Variants in ANKRD17 observed in about 807,000 individuals in gnomAD.
ANKRD17 encodes ankyrin repeat domain-containing protein 17.
In ANKRD17, 19 loss-of-function variants were observed where a neutral mutation model predicts 229.7. That is an observed-to-expected ratio of 0.08 (90% CI 0.06 to 0.12). The LOEUF is 0.12. ANKRD17 is among the 10% of genes least tolerant of loss of function. The pLI is 1.00. For synonymous variants in ANKRD17, 1,112 were observed against 1,146.1 expected (o/e 0.97, Z 0.60); for missense variants, 2,176 against 3,176.8 (o/e 0.68, Z 7.57).
chr4:73,154,913 C>T (rs1482410619), intron 5 of ANKRD17, among the ~76,000 whole-genome samples: 2 of 151,640 alleles, frequency 1.3e-5, no homozygotes, highest in East Asian at 1.9e-4. Context: ...TAGTGGCAGG[C>T]GCCTGTAGTC....
At chr4:73,104,265 C>T (rs746543246) in intron 24 of ANKRD17, among the ~76,000 whole-genome samples, 1 of 152,144 alleles carries the variant, frequency 6.6e-6, no homozygotes, top group Non-Finnish European at 1.5e-5. Context: ...CCTTTACTCC[C>T]TGGATCACCA....
rs540331466 is a variant in ANKRD17 at position 73,177,426 on chromosome 4, T to C, written c.501A>G (p.Val167=). ...GTADGADLRT[V]DPETQARLEA... The stretch of plus-strand genomic sequence containing the variant: ...CCAGTCTAGCCTGTGTTTCTGGATC[T>C]ACTGTCCTGAGGTCTGCACCATCAG... Residue 167 remains valine (V), a synonymous_variant, in exon 2 of 34, where the codon GTA becomes GTG. Transcript: ENST00000358602. The C allele has an allele frequency of 1.9e-6, 3 of 1,612,882 alleles. No individual in the cohort carries two copies. The South Asian group carries it at 3.3e-5, about 18-fold the overall frequency.
rs1720879251 is a variant in ANKRD17, at chr4:73,074,376, T to TA, written c.*1854dup. On this transcript the variant is annotated 3_prime_UTR_variant, in exon 34 of 34. Coordinates refer to ENST00000358602, the MANE Select transcript of ANKRD17 (RefSeq NM_032217.5). Reference sequence around the variant, plus strand: ...GTATAGAATAGTGGCAAGTCATATATAAAATACTTCGTTAAATAACATTAT... The same window carrying TA: ...GTATAGAATAGTGGCAAGTCATATATAAAAATACTTCGTTAAATAACATTAT... The TA allele has an allele frequency of 6.6e-6, 1 of 152,016 alleles. No homozygotes were observed. The highest frequency in any genetic ancestry group is 6.6e-5 in the Admixed American group (1 of 15,260). The allele number at this position is 152,016 out of a possible 1,614,324, so 9.4% of individuals were successfully genotyped here.
chr4:73,194,906 T>C (rs1231249510), intron 1 of ANKRD17, among the ~76,000 whole-genome samples: 3 of 152,196 alleles, frequency 2.0e-5, no homozygotes, highest in Non-Finnish European at 2.9e-5. Context: ...TTATTAGATA[T>C]ATGCCTAAGT....
At chr4:73,213,228 A>G (rs1003983166) in intron 1 of ANKRD17, among the ~76,000 whole-genome samples, 2 of 152,192 alleles carry the variant, frequency 1.3e-5, no homozygotes, top group African/African-American at 4.8e-5. Flanking sequence ...AAGTGGCAAC[A>G]GGACAGATTC....
intron 1 of ANKRD17, among the ~76,000 whole-genome samples, chr4:73,213,564 T>C (rs1740609797): frequency 1.3e-5 from 2 of 152,180 alleles, no homozygotes; most frequent in South Asian, 4.1e-4. Context: ...GGTGGGAAGA[T>C]ATGGAATTTG....
chr4:73,216,535 T>A (rs2149185557), intron 1 of ANKRD17, among the ~76,000 whole-genome samples: 1 of 152,272 alleles, frequency 6.6e-6, no homozygotes, highest in Non-Finnish European at 1.5e-5. Context: ...GGGTTAACAG[T>A]TAAGGGTTAA....
rs566771866 is a variant in ANKRD17 at position 73,152,255 on chromosome 4, C to T, written c.1235-731G>A. Among the ~76,000 whole-genome samples the T allele has an allele frequency of 6.6e-5, 10 of 152,112 alleles. 1 individual carries two copies. Among genetic ancestry groups the T allele is most frequent in the East Asian group, 3.9e-4 (2 of 5,178 alleles). On this transcript the variant is annotated intron_variant, in intron 6 of 33. Transcript: ENST00000358602. ...AATCAATTCTTATTCAACTGGGAGGCGGGAGAAGGACAGATAGTGGAGTCA... is the reference window on the plus strand; with the variant it reads ...AATCAATTCTTATTCAACTGGGAGGTGGGAGAAGGACAGATAGTGGAGTCA...
intron 2 of ANKRD17, among the ~76,000 whole-genome samples, chr4:73,173,414 T>C (rs896335151): frequency 3.3e-5 from 5 of 151,820 alleles, no homozygotes; most frequent in African/African-American, 7.3e-5. Context: ...CAAAGAAACA[T>C]TGGACTTAGA....
At chr4:73,194,006 C>T (rs1346475753) in intron 1 of ANKRD17, among the ~76,000 whole-genome samples, 3 of 152,034 alleles carry the variant, frequency 2.0e-5, no homozygotes, top group East Asian at 1.9e-4. Context: ...TAATATATAC[C>T]AAACAAGTCC....
In ANKRD17 at chr4:73,091,671, T is replaced by C; in HGVS notation, c.5957A>G (p.Asn1986Ser). 4 of 1,614,168 alleles carry C rather than the reference T, an allele frequency of 2.5e-6. No homozygotes were observed. Among genetic ancestry groups the C allele is most frequent in the Non-Finnish European group, 3.4e-6 (4 of 1,180,030 alleles). ...GACAGAAGGTGAACTTGGACTGCCA[T>C]TTGTAGATGTACCAGGCACCGTTGA... is the stretch of plus-strand genomic sequence containing the variant. ...SASTVPGTST[N>S]GSPSSPSVRR... The change falls in exon 29 of 34, where the codon AAT (asparagine) becomes AGT (serine). Residue 1986 changes from asparagine to serine, a missense_variant. Around this residue, in one of 18 missense-constraint regions of ANKRD17, gnomAD observed 424 missense variants for 454.0 expected, o/e 0.93. Coordinates refer to ENST00000358602, the MANE Select transcript of ANKRD17 (RefSeq NM_032217.5).
chr4:73,224,230 C>G (rs539175836), intron 1 of ANKRD17, among the ~76,000 whole-genome samples: 1 of 152,060 alleles, frequency 6.6e-6, no homozygotes, highest in Non-Finnish European at 1.5e-5. Flanking sequence ...GGCAACAGAG[C>G]GAGACTGTCT....
At chr4:73,149,475 C>G (rs1047168123) in intron 7 of ANKRD17, among the ~76,000 whole-genome samples, 1 of 152,002 alleles carries the variant, frequency 6.6e-6, no homozygotes, top group Admixed American at 6.6e-5. Context: ...AAAATGGAAC[C>G]CTTTTTGGAG....
chr4:73,171,177 G>GA (rs1733946829), intron 2 of ANKRD17, among the ~76,000 whole-genome samples: 3 of 117,440 alleles, frequency 2.6e-5, no homozygotes, highest in African/African-American at 1.0e-4. Context: ...GCTCAGAGGG[G>GA]GGAGAGAGAG....
chr4:73,206,379 C>CTA (rs1414627856), intron 1 of ANKRD17, among the ~76,000 whole-genome samples: 2 of 139,058 alleles, frequency 1.4e-5, no homozygotes, highest in Non-Finnish European at 3.1e-5. Flanking sequence ...AAAATGTGGC[C>CTA]TATATACACA....
chr4:73,185,322 C>T (rs1447267836), intron 1 of ANKRD17, among the ~76,000 whole-genome samples: 1 of 151,328 alleles, frequency 6.6e-6, no homozygotes, highest in Non-Finnish European at 1.5e-5. Context: ...TTTTGTTGTT[C>T]TGGAAAATAC....
At chr4:73,080,579 T>C (rs1477794849) in intron 30 of ANKRD17, 2 of 152,068 alleles carry the variant, frequency 1.3e-5, no homozygotes, top group Admixed American at 6.5e-5. Flanking sequence ...AACCTACATA[T>C]TGAAAGGCCA....
At chr4:73,237,217 C>G (rs1743587342) in intron 1 of ANKRD17, among the ~76,000 whole-genome samples, 1 of 152,096 alleles carries the variant, frequency 6.6e-6, no homozygotes, top group Non-Finnish European at 1.5e-5. Context: ...AATGGGTACC[C>G]TGGCCAAGCA....
chr4:73,164,031 C>T (rs966157750), intron 2 of ANKRD17, among the ~76,000 whole-genome samples: 27 of 152,064 alleles, frequency 1.8e-4, no homozygotes, highest in African/African-American at 6.5e-4. Flanking sequence ...AAGACTGATA[C>T]CTACTGTATA....
Sources: gnomAD v4.1 joint callset for allele counts (sites outside exome capture counted in the v4.1 genomes callset) on GRCh38, gnomAD v4.1.1 for gene constraint, gnomAD v4.1.1 regional missense constraint, MANE v1.5 for transcripts, NCBI Gene and HGNC (gene_info 2026-07-23, HGNC 2026-07-21) for gene names.